Variants in C17orf107 observed in about 807,000 individuals in gnomAD.
C17orf107 encodes uncharacterized protein C17orf107.
A neutral mutation model predicts 8.9 loss-of-function variants in C17orf107; 9 were observed. That is an observed-to-expected ratio of 1.02 (90% CI 0.61 to 1.77). The LOEUF (loss-of-function observed/expected upper bound fraction) is 1.77, where lower values mean the gene tolerates loss of function less well. C17orf107 is among the 40% of genes most tolerant of loss of function. C17orf107 has a pLI of 0.00. For missense variants in C17orf107, 281 were observed against 249.0 expected, an observed-to-expected ratio of 1.13 and a Z score of -0.86; for synonymous variants, 139 against 120.3, an observed-to-expected ratio of 1.16 and a Z score of -1.02.
chr17:4,900,949 G>A lies in C17orf107; in HGVS notation c.*416G>A, dbSNP rs766710383. The A allele has an allele frequency of 5.0e-6, 8 of 1,613,882 alleles. No individual in the cohort carries two copies. Among genetic ancestry groups the A allele is most frequent in the East Asian group, 4.5e-5 (2 of 44,876 alleles). On this transcript the variant is annotated 3_prime_UTR_variant, in exon 3 of 3. Coordinates refer to ENST00000381365, the MANE Select transcript of C17orf107 (RefSeq NM_001145536.2). ...TGAGAGCGGGCCCCGCCTCCCGGGA[G>A]CGAGCCCGGGTTTGGGGGTAGGTTC...
At position 4,901,636 on chromosome 17, in the gene C17orf107, A is replaced by AG; in HGVS notation, c.*1106dup. The AG allele has an allele frequency of 6.2e-7, 1 of 1,612,718 alleles. No individual in the cohort carries two copies. The highest frequency in any genetic ancestry group is 2.2e-5 in the East Asian group (1 of 44,862). On this transcript the variant is annotated 3_prime_UTR_variant, in exon 3 of 3. Transcript: ENST00000381365. ...TTGTACGTCTGAGAGCTGCGGAGCC[A>AG]GGGCCGGGAGCCCACCCCAGAAGCT...
chr17:4,902,797 A>G lies in C17orf107; in HGVS notation c.*2264A>G. 1 of 1,613,886 alleles carries G rather than the reference A, an allele frequency of 6.2e-7. No individual in the cohort carries two copies. ...GGGTCAAGAAGGAAGGGTCATTGGC[A>G]ATGAAGAGGCTGGAGCACCTCTCTC... On this transcript the variant is annotated 3_prime_UTR_variant, in exon 3 of 3. Transcript: ENST00000381365. The surrounding 1 kb of genome is among the most constrained non-coding windows in gnomAD (Gnocchi z 4.0).
intron 1 of C17orf107, 42 bp downstream of exon 1, chr17:4,899,870 G>A (rs765735484): frequency 3.0e-5 from 46 of 1,543,564 alleles, no homozygotes; most frequent in Non-Finnish European, 3.9e-5. Flanking sequence ...GAGACCTTCT[G>A]GGTAGGTCTC....
Position 4,900,764 on chromosome 17 carries a change from C to G in C17orf107, c.*231C>G, listed in dbSNP as rs536956104. On this transcript the variant is annotated 3_prime_UTR_variant, in exon 3 of 3. Transcript: ENST00000381365. ...GCCACGCCCCCACCCTTCACACTGG[C>G]CACACCCCCGCGGGGGCTCCGGCTT... is the stretch of plus-strand genomic sequence containing the variant. 1.4e-5 allele frequency: 23 copies of G among 1,599,622 alleles called. No individual in the cohort carries two copies. Among genetic ancestry groups the G allele is most frequent in the Non-Finnish European group, 1.8e-5 (21 of 1,171,458 alleles).
chr17:4,901,447 C>T lies in C17orf107; in HGVS notation c.*914C>T. 5.1e-6 allele frequency: 7 copies of T among 1,372,830 alleles called. No individual in the cohort carries two copies. The highest frequency in any genetic ancestry group is 6.2e-6 in the Non-Finnish European group (6 of 962,218). 85.0% of individuals were successfully genotyped at this position (1,372,830 alleles called of 1,614,324 possible). Reference sequence around the variant, plus strand: ...AAGTCATCCTCCAGTGTCGTTGGTCCGGGGCAAGCCCACCGTGGAAGTCCC... The same window carrying T: ...AAGTCATCCTCCAGTGTCGTTGGTCTGGGGCAAGCCCACCGTGGAAGTCCC... On this transcript the variant is annotated 3_prime_UTR_variant, in exon 3 of 3. Coordinates refer to ENST00000381365, the MANE Select transcript of C17orf107 (RefSeq NM_001145536.2).
chr17:4,901,114 C>T lies in C17orf107; in HGVS notation c.*581C>T, dbSNP rs1431059369. On this transcript the variant is annotated 3_prime_UTR_variant, in exon 3 of 3. Coordinates refer to ENST00000381365, the MANE Select transcript of C17orf107 (RefSeq NM_001145536.2). ...TGAGCGAGTAGATGACGTCAGTCTC[C>T]CCTGGGCCGTCGGTGGCGCCACCGT... The T allele has an allele frequency of 1.9e-6, 3 of 1,613,306 alleles. No individual in the cohort carries two copies. The highest frequency in any genetic ancestry group is 2.2e-5 in the East Asian group (1 of 44,836).
chr17:4,905,818 G>A (rs539736654), downstream of C17orf107, among the ~76,000 whole-genome samples: 5 of 150,404 alleles, frequency 3.3e-5, no homozygotes, highest in Non-Finnish European at 7.4e-5. Flanking sequence ...CCGAGATCGT[G>A]CCACTGCACT....
rs1421449130 is a variant in C17orf107, at chr17:4,902,141, AC to A, written c.*1613del. 3.1e-6 allele frequency: 5 copies of A among 1,611,414 alleles called. No homozygotes were observed. Among genetic ancestry groups the A allele is most frequent in the Non-Finnish European group, 3.4e-6 (4 of 1,179,252 alleles). On this transcript the variant is annotated 3_prime_UTR_variant, in exon 3 of 3. Transcript: ENST00000381365. This position sits in a 1 kb window ranked among gnomAD's most constrained non-coding sequence, Gnocchi z 4.0. The stretch of plus-strand genomic sequence containing the variant: ...GCACAGGTCTGCACCCTCTCAGAGT[AC>A]CCCCTTCCCCAACCAAGTCCAGCCC...
Position 4,900,484 on chromosome 17 carries a change from G to C in C17orf107, c.524G>C (p.Gly175Ala). The change falls in exon 3 of 3, where the codon GGC becomes GCC. Residue 175 changes from glycine to alanine, a missense_variant. Transcript: ENST00000381365. The stretch of plus-strand genomic sequence containing the variant: ...CTGCGACAGTCGCAACAGCAGCTAG[G>C]CCTCGGAATCCCCGGAGAACCGGTG... ...SFLRQSQQQL[G>A]LGIPGEPVSS... The C allele has an allele frequency of 6.4e-7, 1 of 1,551,090 alleles. No homozygotes were observed. Among genetic ancestry groups the C allele is most frequent in the South Asian group, 1.2e-5 (1 of 84,068 alleles).
In C17orf107 at chr17:4,900,070, C is replaced by T; in HGVS notation, c.201C>T (p.Ala67=). The T allele has an allele frequency of 6.4e-7, 1 of 1,551,146 alleles. No homozygotes were observed. Among genetic ancestry groups the T allele is most frequent in the Non-Finnish European group, 8.7e-7 (1 of 1,146,996 alleles). The part of the protein sequence containing the change: ...PEPKMQGMLP[A]PKPTLGLVLR... Reference sequence around the variant, plus strand: ...CGAAGATGCAGGGGATGCTGCCTGCCCCGAAGCCCACCCTGGGGCTGGTGT... The same window carrying T: ...CGAAGATGCAGGGGATGCTGCCTGCTCCGAAGCCCACCCTGGGGCTGGTGT... Residue 67 remains alanine (A), a synonymous_variant, in exon 2 of 3, where the codon GCC becomes GCT. Coordinates refer to ENST00000381365, the MANE Select transcript of C17orf107 (RefSeq NM_001145536.2).
chr17:4,901,849 A>T lies in C17orf107; in HGVS notation c.*1316A>T. 1 of 1,563,068 alleles carries T rather than the reference A, an allele frequency of 6.4e-7. No individual in the cohort carries two copies. The highest frequency in any genetic ancestry group is 8.8e-7 in the Non-Finnish European group (1 of 1,140,204). ...GCCTCCAGCGCGAAGCCCCGCCCCG[A>T]GGGCGGTGCTTCCCGGTTGGCCCCG... On this transcript the variant is annotated 3_prime_UTR_variant, in exon 3 of 3. Coordinates refer to ENST00000381365, the MANE Select transcript of C17orf107 (RefSeq NM_001145536.2).
Position 4,900,506 on chromosome 17 carries a change from G to C in C17orf107, c.546G>C (p.Pro182=), listed in dbSNP as rs1286932595. ...TAGGCCTCGGAATCCCCGGAGAACCGGTGAGCTCAGGACACGGGGTGAGTT... is the reference window on the plus strand; with the variant it reads ...TAGGCCTCGGAATCCCCGGAGAACCCGTGAGCTCAGGACACGGGGTGAGTT... The part of the protein sequence containing the change: ...QQLGLGIPGE[P]VSSGHGVS Residue 182 remains proline, a synonymous_variant, in exon 3 of 3, where the codon CCG becomes CCC. Transcript: ENST00000381365. The C allele has an allele frequency of 1.3e-6, 2 of 1,550,794 alleles. No homozygotes were observed. The highest frequency in any genetic ancestry group is 1.4e-5 in the African/African-American group (1 of 73,068).
At position 4,900,621 on chromosome 17, in the gene C17orf107, GC is replaced by G; in HGVS notation, c.*89del. 6.6e-7 allele frequency: 1 copy of G among 1,507,402 alleles called. No homozygotes were observed. The highest frequency in any genetic ancestry group is 9.0e-7 in the Non-Finnish European group (1 of 1,112,222). The allele number at this position is 1,507,402 out of a possible 1,614,324, so 93.4% of individuals were successfully genotyped here. ...GGAGACCTCCAGGTGACGTCCAGCA[GC>G]AGTGAGGAGGACGGCGGACCAGGGA... On this transcript the variant is annotated 3_prime_UTR_variant, in exon 3 of 3. Coordinates refer to ENST00000381365, the MANE Select transcript of C17orf107 (RefSeq NM_001145536.2).
At chr17:4,905,754 G>C (rs149543201), downstream of C17orf107, among the ~76,000 whole-genome samples, 1 of 151,506 alleles carries the variant, frequency 6.6e-6, no homozygotes, top group Non-Finnish European at 1.5e-5. Flanking sequence ...CCAGCTACTC[G>C]GGAGGCTGAG....
rs771720016 is a variant in C17orf107, at chr17:4,902,146, C to A, written c.*1613C>A. 1.1e-5 allele frequency: 18 copies of A among 1,613,934 alleles called. No homozygotes were observed. Among genetic ancestry groups the A allele is most frequent in the Non-Finnish European group, 1.5e-5 (18 of 1,179,888 alleles). Reference sequence around the variant, plus strand: ...GGTCTGCACCCTCTCAGAGTACCCCCTTCCCCAACCAAGTCCAGCCCGCAC... The same window carrying A: ...GGTCTGCACCCTCTCAGAGTACCCCATTCCCCAACCAAGTCCAGCCCGCAC... On this transcript the variant is annotated 3_prime_UTR_variant, in exon 3 of 3. Coordinates refer to ENST00000381365, the MANE Select transcript of C17orf107 (RefSeq NM_001145536.2). The surrounding 1 kb of genome is among the most constrained non-coding windows in gnomAD (Gnocchi z 4.0).
chr17:4,902,161 C>A lies in C17orf107; in HGVS notation c.*1628C>A. On this transcript the variant is annotated 3_prime_UTR_variant, in exon 3 of 3. Transcript: ENST00000381365. This position sits in a 1 kb window ranked among gnomAD's most constrained non-coding sequence, Gnocchi z 4.0. The stretch of plus-strand genomic sequence containing the variant: ...AGAGTACCCCCTTCCCCAACCAAGT[C>A]CAGCCCGCACCCCAGGCCGGCTTCC... 6.2e-7 allele frequency: 1 copy of A among 1,613,840 alleles called. No homozygotes were observed. Among genetic ancestry groups the A allele is most frequent in the South Asian group, 1.1e-5 (1 of 91,078 alleles).
rs757563966 is a variant in C17orf107 at position 4,899,549 on chromosome 17, G to C, written c.-214G>C. On this transcript the variant is annotated 5_prime_UTR_variant, in exon 1 of 3. The change abolishes an upstream ATG in the 5' untranslated region. Transcript: ENST00000381365. ...GCACGATGACGCAATTCATGACAATGAGCGTGGCGACCACCATGACGAAAA... is the reference window on the plus strand; with the variant it reads ...GCACGATGACGCAATTCATGACAATCAGCGTGGCGACCACCATGACGAAAA... The C allele has an allele frequency of 1.3e-6, 2 of 1,598,312 alleles. No homozygotes were observed. Among genetic ancestry groups the C allele is most frequent in the East Asian group, 2.3e-5 (1 of 44,362 alleles).
Position 4,902,129 on chromosome 17 carries a change from C to T in C17orf107, c.*1596C>T, listed in dbSNP as rs1597621770. On this transcript the variant is annotated 3_prime_UTR_variant, in exon 3 of 3. Coordinates refer to ENST00000381365, the MANE Select transcript of C17orf107 (RefSeq NM_001145536.2). This position sits in a 1 kb window ranked among gnomAD's most constrained non-coding sequence, Gnocchi z 4.0. ...ACCGAGCTTTTTGCACAGGTCTGCACCCTCTCAGAGTACCCCCTTCCCCAA... is the reference window on the plus strand; with the variant it reads ...ACCGAGCTTTTTGCACAGGTCTGCATCCTCTCAGAGTACCCCCTTCCCCAA... 4 of 1,613,974 alleles carry T rather than the reference C, an allele frequency of 2.5e-6. No individual in the cohort carries two copies. The highest frequency in any genetic ancestry group is 3.4e-6 in the Non-Finnish European group (4 of 1,179,952).
Position 4,900,352 on chromosome 17 carries a change from A to T in C17orf107, c.392A>T (p.Gln131Leu). The T allele has an allele frequency of 1.3e-6, 2 of 1,547,998 alleles. No homozygotes were observed. Among genetic ancestry groups the T allele is most frequent in the Non-Finnish European group, 1.7e-6 (2 of 1,146,380 alleles). The change falls in exon 3 of 3, where the codon CAG becomes CTG. Residue 131 changes from glutamine (Q) to leucine (L), a missense_variant. Coordinates refer to ENST00000381365, the MANE Select transcript of C17orf107 (RefSeq NM_001145536.2). ...ALSRVAQAAG[Q>L]GVRQAGAAVG... Reference sequence around the variant, plus strand: ...AGCCGGGTAGCCCAAGCCGCAGGGCAGGGGGTTCGGCAAGCTGGGGCTGCG... The same window carrying T: ...AGCCGGGTAGCCCAAGCCGCAGGGCTGGGGGTTCGGCAAGCTGGGGCTGCG...
Sources: gnomAD v4.1 joint callset for allele counts (sites outside exome capture counted in the v4.1 genomes callset) on GRCh38, gnomAD v4.1.1 for gene constraint, Gnocchi (gnomAD v3.1) non-coding constraint, MANE v1.5 for transcripts, NCBI Gene and HGNC (gene_info 2026-07-23, HGNC 2026-07-21) for gene names.